Variants in ANO4 observed in about 807,000 individuals in gnomAD.
ANO4 encodes anoctamin 4.
In ANO4, 69 loss-of-function variants were observed where a neutral mutation model predicts 141.9. That is an observed-to-expected ratio of 0.49 (90% CI 0.40 to 0.59). The LOEUF (loss-of-function observed/expected upper bound fraction) is 0.59. ANO4 is among the 20% of genes least tolerant of loss of function. ANO4 has a pLI of 0.00. For synonymous variants in ANO4, 350 were observed against 394.3 expected (o/e 0.89, Z 1.33); for missense variants, 894 against 1,162.2 (o/e 0.77, Z 3.36).
At chr12:101,039,337 T>G (rs2047325114) in intron 10 of ANO4, among the ~76,000 whole-genome samples, 1 of 152,222 alleles carries the variant, frequency 6.6e-6, no homozygotes, top group East Asian at 1.9e-4. Context: ...AAACCCCATC[T>G]CTACAAAAAA....
chr12:101,070,893 A>C (rs2048781798), intron 14 of ANO4, among the ~76,000 whole-genome samples: 1 of 152,210 alleles, frequency 6.6e-6, no homozygotes, highest in Admixed American at 6.5e-5. Flanking sequence ...GAAGACCTAC[A>C]AGTGGCCAAC....
chr12:100,746,052 T>A (rs2032088532), intron 3 of ANO4, among the ~76,000 whole-genome samples: 1 of 152,110 alleles, frequency 6.6e-6, no homozygotes, highest in Non-Finnish European at 1.5e-5. Flanking sequence ...TACAGCTAAG[T>A]GATCACTGGA....
chr12:100,955,408 T>G (rs2043139860), intron 5 of ANO4, among the ~76,000 whole-genome samples: 1 of 152,196 alleles, frequency 6.6e-6, no homozygotes, highest in Non-Finnish European at 1.5e-5. Flanking sequence ...CTTCACAGGC[T>G]GCCTAGGCTT....
chr12:100,739,972 C>A, exon 3 of ANO4: 1 of 702,576 alleles, frequency 1.4e-6, no homozygotes, highest in Non-Finnish European at 2.6e-6. Context: ...ATGCAGGCAT[C>A]CCTGTGTACC....
chr12:100,890,141 CT>C (rs1346307486), intron 1 of ANO4, among the ~76,000 whole-genome samples: 1 of 151,950 alleles, frequency 6.6e-6, no homozygotes, highest in East Asian at 1.9e-4. Flanking sequence ...AAAACATATA[CT>C]TTTTTTAGCC....
intron 1 of ANO4, among the ~76,000 whole-genome samples, chr12:100,796,713 C>T (rs562410017): frequency 6.6e-6 from 1 of 152,072 alleles, no homozygotes; most frequent in South Asian, 2.1e-4. Flanking sequence ...TCCCTACACT[C>T]GATTGTGGTT....
rs536000799 is a variant in ANO4 at position 101,017,629 on chromosome 12, C to T, written c.735-2405C>T. 5.3e-5 allele frequency among the ~76,000 whole-genome samples: 8 copies of T among 152,276 alleles called. 1 individual carries two copies. The highest frequency in any genetic ancestry group is 2.1e-4 in the South Asian group (1 of 4,828). On this transcript the variant is annotated intron_variant, in intron 8 of 27. Coordinates refer to ENST00000392977, the MANE Select transcript of ANO4 (RefSeq NM_001286615.2). ...GAAGTAGCTGGCAGACAGAGGCAAG[C>T]GAGCAAACAGAGTCACCACAGGGGT...
At chr12:101,072,676 T>G (rs1163752956) in intron 14 of ANO4, among the ~76,000 whole-genome samples, 1 of 152,056 alleles carries the variant, frequency 6.6e-6, no homozygotes, top group Non-Finnish European at 1.5e-5. Flanking sequence ...GGAGAAAATT[T>G]TTGCAATCTA....
chr12:101,124,634 G>GTTAAT (rs1302722701), intron 26 of ANO4, among the ~76,000 whole-genome samples: 1 of 152,038 alleles, frequency 6.6e-6, no homozygotes, highest in Non-Finnish European at 1.5e-5. Context: ...TCCATCTTGA[G>GTTAAT]TTAATTTTTA....
chr12:100,861,291 T>C (rs141258184), intron 1 of ANO4, among the ~76,000 whole-genome samples: 1 of 152,296 alleles, frequency 6.6e-6, no homozygotes, highest in Non-Finnish European at 1.5e-5. Flanking sequence ...CTCTCAACAG[T>C]GTGTACTTAA....
chr12:100,886,725 G>A (rs2039850309), intron 1 of ANO4, among the ~76,000 whole-genome samples: 1 of 152,120 alleles, frequency 6.6e-6, no homozygotes, highest in African/African-American at 2.4e-5. Flanking sequence ...ATTGTCTGTG[G>A]CTGCTTTTGG....
chr12:100,826,929 A>G (rs925346010), intron 1 of ANO4, among the ~76,000 whole-genome samples: 14 of 151,866 alleles, frequency 9.2e-5, no homozygotes, highest in African/African-American at 2.7e-4. Context: ...AGTTTTCACC[A>G]CCTCACTGTG....
intron 3 of ANO4, among the ~76,000 whole-genome samples, chr12:100,750,201 C>T (rs1272215960): frequency 1.3e-5 from 2 of 151,526 alleles, no homozygotes; most frequent in Admixed American, 6.6e-5. Context: ...GTGGCATGAT[C>T]TTGGCTCACT....
At position 100,722,782 on chromosome 12, in the gene ANO4, G is replaced by A. The variant is rs546876459; in HGVS notation, c.22+5235G>A. Among the ~76,000 whole-genome samples, 8 of 152,216 alleles carry A rather than the reference G, an allele frequency of 5.3e-5. No individual in the cohort carries two copies. The East Asian group carries it at 1.5e-3, about 29-fold the overall frequency. Reference sequence around the variant, plus strand: ...TGAGGGAGTGAATGGAGTATAGTAGGGGGCAGTACACCATGTGGAAGTTTT... The same window carrying A: ...TGAGGGAGTGAATGGAGTATAGTAGAGGGCAGTACACCATGTGGAAGTTTT... On this transcript the variant is annotated intron_variant, in intron 1 of 29. Coordinates refer to the ANO4 transcript ENST00000644049.
At chr12:101,046,160 T>C (rs2047622817) in intron 13 of ANO4, among the ~76,000 whole-genome samples, 1 of 152,246 alleles carries the variant, frequency 6.6e-6, no homozygotes, top group Non-Finnish European at 1.5e-5. Flanking sequence ...TTTTTAAACC[T>C]GCTTAGAACA....
intron 2 of ANO4, among the ~76,000 whole-genome samples, chr12:100,735,811 G>A (rs1185788818): frequency 2.0e-5 from 3 of 152,126 alleles, no homozygotes; most frequent in Non-Finnish European, 2.9e-5. Flanking sequence ...TGATGTGCCC[G>A]TGAGACTTCT....
intron 1 of ANO4, among the ~76,000 whole-genome samples, chr12:100,898,572 A>T (rs1565984824): frequency 6.6e-6 from 1 of 151,976 alleles, no homozygotes; most frequent in African/African-American, 2.4e-5. Flanking sequence ...TATTTTTAAC[A>T]TTTTTTGCTA....
intron 3 of ANO4, among the ~76,000 whole-genome samples, chr12:100,746,889 T>A (rs1236542016): frequency 6.6e-6 from 1 of 152,160 alleles, no homozygotes; most frequent in African/African-American, 2.4e-5. Context: ...TTTCTCAGGT[T>A]TCTGTGTTCT....
In ANO4 at chr12:100,939,423, A is replaced by C; in HGVS notation, c.269A>C (p.Asp90Ala). 6.2e-7 allele frequency: 1 copy of C among 1,613,660 alleles called. No homozygotes were observed. The highest frequency in any genetic ancestry group is 8.5e-7 in the Non-Finnish European group (1 of 1,179,664). The change falls in exon 4 of 28, where the codon GAT (aspartate) becomes GCT (alanine). Residue 90 changes from aspartate (D) to alanine (A), a missense_variant. Physicochemically the swap from Asp to Ala is moderately radical, Grantham distance 126. Coordinates refer to ENST00000392977, the MANE Select transcript of ANO4 (RefSeq NM_001286615.2). Reference sequence around the variant, plus strand: ...GGAAACCTGACTAGTACTTCAGATGATGCCAGCAGATTGGAAGCCGGGGGA... The same window carrying C: ...GGAAACCTGACTAGTACTTCAGATGCTGCCAGCAGATTGGAAGCCGGGGGA... The part of the protein sequence containing the change: ...HPGNLTSTSD[D>A]ASRLEAGGET...
Sources: allele counts gnomAD v4.1 joint callset (sites outside exome capture counted in the v4.1 genomes callset), GRCh38; gene constraint gnomAD v4.1.1; transcripts MANE v1.5; gene names NCBI Gene and HGNC (gene_info 2026-07-23, HGNC 2026-07-21).